NVL: variants seen among roughly 807,000 people sequenced by gnomAD.
NVL encodes nuclear VCP like, also known as nuclear valosin-containing protein-like.
A neutral mutation model predicts 110.2 loss-of-function variants in NVL; 84 were observed. The observed-to-expected ratio is 0.76, with a 90% CI of 0.64 to 0.91. The LOEUF is 0.91. NVL is among the 40% of genes least tolerant of loss of function. The pLI is 0.00. For missense variants in NVL, 882 were observed against 1,035.9 expected, an observed-to-expected ratio of 0.85 and a Z score of 2.04; for synonymous variants, 354 against 361.1, an observed-to-expected ratio of 0.98 and a Z score of 0.22.
intron 4 of NVL, among the ~76,000 whole-genome samples, chr1:224,314,149 G>A (rs1669833538): frequency 6.6e-6 from 1 of 152,182 alleles, no homozygotes; most frequent in Non-Finnish European, 1.5e-5. Flanking sequence ...ACCTTTTTAG[G>A]AAGGTAAGTC....
intron 18 of NVL, among the ~76,000 whole-genome samples, chr1:224,266,489 G>T (rs1050390169): frequency 6.6e-6 from 1 of 152,124 alleles, no homozygotes; most frequent in African/African-American, 2.4e-5. Flanking sequence ...TTTCGCCTTG[G>T]GGTGATGCAG....
At chr1:224,278,226 C>CT (rs931102981) in intron 16 of NVL, among the ~76,000 whole-genome samples, 8,063 of 111,162 alleles carry the variant, frequency 0.073, 695 homozygotes, top group African/African-American at 0.15. Context: ...ATCATCTAAT[C>CT]TTTTTTTTTT....
intron 21 of NVL, among the ~76,000 whole-genome samples, chr1:224,232,454 GCAGCCTCGAACTC>G (rs937142123): frequency 6.6e-6 from 1 of 152,138 alleles, no homozygotes; most frequent in African/African-American, 2.4e-5. Context: ...ATAGCTCATT[GCAGCCTCGAACTC>G]CTGGGCCTCA....
At chr1:224,260,276 T>C (rs1663816142) in intron 18 of NVL, among the ~76,000 whole-genome samples, 1 of 152,212 alleles carries the variant, frequency 6.6e-6, no homozygotes, top group Admixed American at 6.5e-5. Context: ...ATAATTACTA[T>C]TATTTTTTGA....
Position 224,308,226 on chromosome 1 carries a change from T to C in NVL, c.380A>G (p.Tyr127Cys), listed in dbSNP as rs377133784. 5.1e-5 allele frequency: 83 copies of C among 1,612,514 alleles called. No individual in the cohort carries two copies. The highest frequency in any genetic ancestry group is 8.4e-5 in the Admixed American group (5 of 59,592). ...NHMNSSLLSL[Y>C]RKGNPDSVSN... ...AACAGAATCAGGATTTCCTTTCCGA[T>C]ATAAAGACAGCAGGGAACTGTTCAT... is the stretch of plus-strand genomic sequence containing the variant. The change falls in exon 6 of 23, where the codon TAT (tyrosine) becomes TGT (cysteine). Residue 127 changes from tyrosine to cysteine, a missense_variant. Tyr to Cys is a radical substitution (Grantham distance 194). Coordinates refer to ENST00000281701, the MANE Select transcript of NVL (RefSeq NM_002533.4).
chr1:224,327,615 C>T (rs1384588733), intron 1 of NVL, among the ~76,000 whole-genome samples: 1 of 151,664 alleles, frequency 6.6e-6, no homozygotes. Context: ...TGCAAACATT[C>T]CAAAACCTGA....
intron 4 of NVL, among the ~76,000 whole-genome samples, chr1:224,314,591 C>CG (rs1406224982): frequency 2.6e-5 from 4 of 152,018 alleles, no homozygotes. Context: ...AAAGAAGACT[C>CG]GGGGGGAAGT....
rs73128462 is a variant in NVL at position 224,265,926 on chromosome 1, C to T, written c.2182+2108G>A. ...AGGATTACAGGCATAAGCCACCATG[C>T]CCAGCTTGGCCACTTTCTTTCTTTT... On this transcript the variant is annotated intron_variant, in intron 18 of 22. Coordinates refer to ENST00000281701, the MANE Select transcript of NVL (RefSeq NM_002533.4). Among the ~76,000 whole-genome samples, 952 of 152,284 alleles carry T rather than the reference C, an allele frequency of 6.3e-3. 10 individuals carry two copies. The highest frequency in any genetic ancestry group is 0.022 in the African/African-American group (898 of 41,566).
chr1:224,273,511 AAG>A (rs1187371823), intron 17 of NVL, among the ~76,000 whole-genome samples: 4 of 152,180 alleles, frequency 2.6e-5, no homozygotes, highest in Non-Finnish European at 5.9e-5. Context: ...CCTTAAAAAA[AAG>A]AGAGAGATAA....
intron 14 of NVL, 125 bp downstream of exon 14, chr1:224,287,650 C>T: frequency 1.5e-6 from 1 of 670,838 alleles, no homozygotes; most frequent in Non-Finnish European, 2.5e-6. Context: ...ACATTCAAGT[C>T]AAGTTAGACA....
chr1:224,230,366 A>G (rs952147670), intron 22 of NVL, among the ~76,000 whole-genome samples: 1 of 152,198 alleles, frequency 6.6e-6, no homozygotes, highest in Admixed American at 6.5e-5. Context: ...GCACTTTGGG[A>G]GGCCAAGGCG....
At chr1:224,281,576 A>C (rs1666330129) in intron 15 of NVL, among the ~76,000 whole-genome samples, 1 of 151,620 alleles carries the variant, frequency 6.6e-6, no homozygotes, top group Non-Finnish European at 1.5e-5. Flanking sequence ...CTAGGATTAC[A>C]GGCGTGAGCT....
intron 22 of NVL, among the ~76,000 whole-genome samples, chr1:224,230,611 T>TA (rs945708571): frequency 6.8e-5 from 10 of 146,560 alleles, no homozygotes; most frequent in Non-Finnish European, 7.6e-5. Context: ...CTCAAAAAAA[T>TA]AAAAAAAAAA....
At position 224,317,737 on chromosome 1, in the gene NVL, C is replaced by T. The variant is rs981941431; in HGVS notation, c.241G>A (p.Glu81Lys). The T allele has an allele frequency of 1.2e-5, 20 of 1,610,034 alleles. No homozygotes were observed. The highest frequency in any genetic ancestry group is 1.7e-5 in the Admixed American group (1 of 59,960). The change falls in exon 4 of 23, where the codon GAA becomes AAA. Residue 81 changes from glutamate to lysine, a missense_variant. Coordinates refer to ENST00000281701, the MANE Select transcript of NVL (RefSeq NM_002533.4). Reference sequence around the variant, plus strand: ...TGTCTTGCCCTTTTTGCCAAATGTTCATCTTCTAATTCTGTTAAATTCTTA... The same window carrying T: ...TGTCTTGCCCTTTTTGCCAAATGTTTATCTTCTAATTCTGTTAAATTCTTA... ...ELKNLTELED[E>K]HLAKRARQGE...
At chr1:224,299,571 A>G (rs1668198977) in intron 10 of NVL, among the ~76,000 whole-genome samples, 2 of 152,182 alleles carry the variant, frequency 1.3e-5, no homozygotes, top group African/African-American at 4.8e-5. Context: ...CAACCTAAAG[A>G]TGCCATTTGC....
chr1:224,235,630 A>G (rs1044418944), intron 20 of NVL, among the ~76,000 whole-genome samples: 13 of 152,020 alleles, frequency 8.6e-5, no homozygotes, highest in African/African-American at 3.1e-4. Flanking sequence ...TTGGAAGGAC[A>G]TAATAGAGAA....
intron 4 of NVL, among the ~76,000 whole-genome samples, chr1:224,314,002 CA>C (rs1423891858): frequency 1.3e-5 from 2 of 151,320 alleles, no homozygotes; most frequent in South Asian, 2.1e-4. Context: ...GATTCTGTCT[CA>C]AAAAAAGAAA....
chr1:224,259,180 C>G (rs1388147094), intron 18 of NVL, among the ~76,000 whole-genome samples: 1 of 151,598 alleles, frequency 6.6e-6, no homozygotes, highest in Non-Finnish European at 1.5e-5. Context: ...CCTCTGCCTT[C>G]TAGGTTCAAG....
chr1:224,286,180 G>A, intron 14 of NVL, 50 bp from the exon 15 acceptor site: 1 of 1,294,724 alleles, frequency 7.7e-7, no homozygotes, highest in Non-Finnish European at 1.1e-6. Context: ...ATTTTATACT[G>A]CAGGTTCAAA....
Sources: allele counts gnomAD v4.1 joint callset (sites outside exome capture counted in the v4.1 genomes callset), GRCh38; gene constraint gnomAD v4.1.1; transcripts MANE v1.5; gene names NCBI Gene and HGNC (gene_info 2026-07-23, HGNC 2026-07-21).